The following ORC1 variants were observed in gnomAD, a reference collection of about 807,000 sequenced individuals.
ORC1 encodes the protein origin recognition complex, subunit 1 homolog.
A neutral mutation model predicts 98.9 loss-of-function variants in ORC1; 61 were observed. The observed-to-expected ratio is 0.62, with a 90% CI of 0.50 to 0.76. ORC1 has a LOEUF of 0.76. Ranked by LOEUF, ORC1 falls within the 30% of genes least tolerant of loss-of-function variation. The pLI, the probability that ORC1 is intolerant of heterozygous loss-of-function variation, is 0.00. For synonymous variants in ORC1, 385 were observed against 406.9 expected (o/e 0.95, Z 0.65); for missense variants, 979 against 1,072.2 (o/e 0.91, Z 1.21).
chr1:52,384,437 C>T, intron 11 of ORC1, 113 bp downstream of exon 11: 1 of 962,518 alleles, frequency 1.0e-6, no homozygotes, highest in Non-Finnish European at 1.7e-6. Flanking sequence ...ACAGAAAGGA[C>T]AATGCCTGGT....
At position 52,393,777 on chromosome 1, in the gene ORC1, G is replaced by C. The variant is rs137952013; in HGVS notation, c.748C>G (p.Gln250Glu). The change falls in exon 6 of 17, where the codon CAG becomes GAG. Residue 250 changes from glutamine to glutamate, a missense_variant. Coordinates refer to ENST00000371568, the MANE Select transcript of ORC1 (RefSeq NM_004153.4). ...GAATCCAAGGAGGCACATGAAGTCT[G>C]CTGGGACATCTGAGGGTTACCTAAG... ...GNLGNPQMSQQTSCASLDSPG... is the reference protein window; with the variant it reads ...GNLGNPQMSQETSCASLDSPG... 6 of 1,613,634 alleles carry C rather than the reference G, an allele frequency of 3.7e-6. No individual in the cohort carries two copies. The highest frequency in any genetic ancestry group is 3.4e-6 in the Non-Finnish European group (4 of 1,180,010).
chr1:52,388,418 G>A (rs368263257), intron 8 of ORC1, 24 bp downstream of exon 8: 139 of 1,587,536 alleles, frequency 8.8e-5, no homozygotes, highest in Non-Finnish European at 1.2e-4. Context: ...GCTTCAATGG[G>A]AAGTAAACCT....
chr1:52,377,724 A>C (rs867968606), intron 14 of ORC1, among the ~76,000 whole-genome samples: 24 of 145,660 alleles, frequency 1.6e-4, no homozygotes, highest in Admixed American at 7.4e-4. Flanking sequence ...AAAAAAAAAA[A>C]CAAATTCTAA....
Position 52,394,485 on chromosome 1 carries a change from A to G in ORC1, c.722-682T>C, listed in dbSNP as rs569609417. Among the ~76,000 whole-genome samples, 8 of 152,314 alleles carry G rather than the reference A, an allele frequency of 5.3e-5. No homozygotes were observed. The East Asian group carries it at 1.2e-3, about 22-fold the overall frequency. On this transcript the variant is annotated intron_variant, in intron 5 of 16. Coordinates refer to ENST00000371568, the MANE Select transcript of ORC1 (RefSeq NM_004153.4). ...CAGATGATACACATGACTGCCTATT[A>G]TATTACATAAAGTGAAATAAGTGTC...
intron 14 of ORC1, among the ~76,000 whole-genome samples, chr1:52,381,011 CA>C (rs1385986405): frequency 4.6e-5 from 7 of 152,286 alleles, no homozygotes; most frequent in African/African-American, 1.7e-4. Context: ...AATTATTTTA[CA>C]TGCTGAAATA....
intron 6 of ORC1, 25 bp from the exon 7 acceptor site, chr1:52,389,346 C>G (rs760068325): frequency 6.3e-7 from 1 of 1,582,698 alleles, no homozygotes; most frequent in Non-Finnish European, 8.7e-7. Context: ...AGCGAGGTCA[C>G]GGGAAGCAGT....
At chr1:52,385,824 T>C in intron 9 of ORC1, 28 bp downstream of exon 9, 1 of 1,520,368 alleles carries the variant, frequency 6.6e-7, no homozygotes, top group Non-Finnish European at 9.1e-7. Flanking sequence ...TTCCTGCCTC[T>C]CTGAAGGGGA....
upstream of ORC1, among the ~76,000 whole-genome samples, chr1:52,407,561 C>T (rs751950250): frequency 2.1e-4 from 32 of 152,182 alleles, no homozygotes; most frequent in Non-Finnish European, 3.2e-4. Context: ...TTTTCCAAAA[C>T]CAGCAGTCAT....
rs1467460972 is a variant in ORC1 at position 52,388,530 on chromosome 1, G to C, written c.1295C>G (p.Pro432Arg). ...DEEEASTPPL[P>R]RRAPRTVSRN... ...GGACACAGTTCTGGGTGCTCTCCTT[G>C]GAAGGGGCGGTGTGGAAGCCTCTTC... is the stretch of plus-strand genomic sequence containing the variant. The change falls in exon 8 of 17, where the codon CCA becomes CGA. Residue 432 changes from proline (P) to arginine (R), a missense_variant. Pro to Arg is a moderately radical substitution (Grantham distance 103, BLOSUM62 -2). Coordinates refer to ENST00000371568, the MANE Select transcript of ORC1 (RefSeq NM_004153.4). 2.5e-6 allele frequency: 4 copies of C among 1,614,098 alleles called. No individual in the cohort carries two copies. The highest frequency in any genetic ancestry group is 1.7e-5 in the Admixed American group (1 of 60,022).
rs767782494 is a variant in ORC1, at chr1:52,374,820, G to A, written c.2381C>T (p.Thr794Met). 39 of 1,610,814 alleles carry A rather than the reference G, an allele frequency of 2.4e-5. No homozygotes were observed. Among genetic ancestry groups the A allele is most frequent in the Middle Eastern group, 1.6e-4 (1 of 6,076 alleles). ...EFRRSGLEEA[T>M]FQQIYSQHVA... ...AGAGGAGGAGATCACCTGTTGAAAC[G>A]TGGCTTCCTCCAGTCCTGATCGACG... is the stretch of plus-strand genomic sequence containing the variant. Residue 794 changes from threonine (T) to methionine (M), a missense_variant, in exon 16 of 17, where the codon ACG becomes ATG. Coordinates refer to ENST00000371568, the MANE Select transcript of ORC1 (RefSeq NM_004153.4).
At position 52,373,043 on chromosome 1, in the gene ORC1, G is replaced by A. The variant is rs927896555; in HGVS notation, c.*138C>T. 1.0e-5 allele frequency: 9 copies of A among 890,982 alleles called. No homozygotes were observed. Among genetic ancestry groups the A allele is most frequent in the Admixed American group, 8.6e-5 (5 of 58,250 alleles). 55.2% of individuals were successfully genotyped at this position (890,982 alleles called of 1,614,324 possible). On this transcript the variant is annotated 3_prime_UTR_variant, in exon 17 of 17. Coordinates refer to ENST00000371568, the MANE Select transcript of ORC1 (RefSeq NM_004153.4). ...GCCACCTGGGAGGATGAGGTTGGGGGGTCACCTAAGCCTGAGAAGTCAAGG... is the reference window on the plus strand; with the variant it reads ...GCCACCTGGGAGGATGAGGTTGGGGAGTCACCTAAGCCTGAGAAGTCAAGG...
chr1:52,404,670 C>T, upstream of ORC1: 1 of 1,489,096 alleles, frequency 6.7e-7, no homozygotes. Context: ...CACCTTTCTC[C>T]ATTCCTCTAG....
Position 52,373,381 on chromosome 1 carries a change from C to A in ORC1, c.2392-6G>T. 2.5e-6 allele frequency: 4 copies of A among 1,611,856 alleles called. No homozygotes were observed. The highest frequency in any genetic ancestry group is 3.4e-6 in the Non-Finnish European group (4 of 1,178,172). On this transcript the variant is annotated splice_polypyrimidine_tract_variant and splice_region_variant and intron_variant, in intron 16 of 16. Coordinates refer to ENST00000371568, the MANE Select transcript of ORC1 (RefSeq NM_004153.4). Reference sequence around the variant, plus strand: ...GCCACATGTTGACTATATATCTAGACACAAATAGCAAGGCAAAGGTTAAGA... The same window carrying A: ...GCCACATGTTGACTATATATCTAGAAACAAATAGCAAGGCAAAGGTTAAGA...
chr1:52,384,489 TC>T (rs745384057), intron 11 of ORC1, 60 bp downstream of exon 11: 69 of 1,466,906 alleles, frequency 4.7e-5, no homozygotes, highest in Non-Finnish European at 6.1e-5. Flanking sequence ...AGTAACTCTT[TC>T]CTTTTTCATG....
chr1:52,375,937 G>A (rs774131921), intron 14 of ORC1, among the ~76,000 whole-genome samples: 12 of 152,168 alleles, frequency 7.9e-5, no homozygotes, highest in Non-Finnish European at 1.8e-4. Context: ...AGAGACAGAC[G>A]TGTGCCCCCA....
chr1:52,395,811 G>A (rs1047806087), intron 5 of ORC1, among the ~76,000 whole-genome samples: 2 of 152,070 alleles, frequency 1.3e-5, no homozygotes, highest in African/African-American at 2.4e-5. Context: ...GCAAGACTCT[G>A]TCTCAAAAAA....
chr1:52,382,640 C>T (rs1041070434), intron 13 of ORC1, among the ~76,000 whole-genome samples: 9 of 136,318 alleles, frequency 6.6e-5, no homozygotes, highest in Non-Finnish European at 1.4e-4. Context: ...AGTGCAGTGG[C>T]GTGATCCTGG....
chr1:52,393,486 C>T lies in ORC1; in HGVS notation c.1039G>A (p.Val347Met). Reference protein sequence around the residue: ...TPISGGQRSSVVPSVILKPEN... With the variant: ...TPISGGQRSSMVPSVILKPEN... Reference sequence around the variant, plus strand: ...GGTTTCAGAATCACGGATGGCACCACTGAAGATCTCTGTCCCCCACTGATA... The same window carrying T: ...GGTTTCAGAATCACGGATGGCACCATTGAAGATCTCTGTCCCCCACTGATA... The change falls in exon 6 of 17, where the codon GTG becomes ATG. Residue 347 changes from valine (V) to methionine (M), a missense_variant. Physicochemically the swap from Val to Met is conservative, Grantham distance 21. Transcript: ENST00000371568. 6.2e-7 allele frequency: 1 copy of T among 1,614,198 alleles called. No individual in the cohort carries two copies. Among genetic ancestry groups the T allele is most frequent in the Non-Finnish European group, 8.5e-7 (1 of 1,180,028 alleles).
upstream of ORC1, chr1:52,408,457 T>C (rs929519348): frequency 8.2e-6 from 12 of 1,458,728 alleles, no homozygotes; most frequent in East Asian, 2.3e-5. Flanking sequence ...TGCAGCTTTC[T>C]TACCTGCCAA....
Sources: allele counts gnomAD v4.1 joint callset (sites outside exome capture counted in the v4.1 genomes callset), GRCh38; gene constraint gnomAD v4.1.1; transcripts MANE v1.5; gene names NCBI Gene and HGNC (gene_info 2026-07-23, HGNC 2026-07-21).